The following JMJD1C variants were observed in gnomAD, a reference collection of about 807,000 sequenced individuals.
JMJD1C encodes jumonji domain-containing protein 1C.
Under a neutral mutation model 245.3 loss-of-function variants are expected in JMJD1C, and 31 were observed. That is an observed-to-expected ratio of 0.13 (90% CI 0.09 to 0.17). The LOEUF (loss-of-function observed/expected upper bound fraction) is 0.17. Ranked by LOEUF, JMJD1C falls within the 10% of genes least tolerant of loss-of-function variation. The pLI, the probability that JMJD1C is intolerant of heterozygous loss-of-function variation, is 1.00. For synonymous variants in JMJD1C, 1,057 were observed against 1,017.4 expected (o/e 1.04, Z -0.74); for missense variants, 2,691 against 3,000.2 (o/e 0.90, Z 2.41).
At chr10:63,264,486 A>C (rs2133780332) in intron 3 of JMJD1C, among the ~76,000 whole-genome samples, 165 bp downstream of exon 3, 1 of 152,292 alleles carries the variant, frequency 6.6e-6, no homozygotes, top group South Asian at 2.1e-4. Flanking sequence ...TGAATTAATA[A>C]ATCGTTTATC....
intron 3 of JMJD1C, among the ~76,000 whole-genome samples, chr10:63,231,789 G>A (rs1037326972): frequency 8.6e-5 from 13 of 152,034 alleles, no homozygotes; most frequent in African/African-American, 2.4e-4. Context: ...GCGAGACTCC[G>A]TCTAAAAAAA....
At chr10:63,265,705 T>G (rs1468279685) in intron 2 of JMJD1C, among the ~76,000 whole-genome samples, 1 of 152,150 alleles carries the variant, frequency 6.6e-6, no homozygotes, top group East Asian at 1.9e-4. Flanking sequence ...ATTTTTTAAC[T>G]GGAAAAAAGT....
intron 3 of JMJD1C, among the ~76,000 whole-genome samples, chr10:63,225,987 C>A (rs1184372071): frequency 2.3e-4 from 5 of 21,430 alleles, no homozygotes; most frequent in Admixed American, 2.0e-3. Flanking sequence ...TCTCCCCCAC[C>A]CCCCCCTTCC....
chr10:63,374,338 G>A (rs1295094313), intron 2 of JMJD1C, among the ~76,000 whole-genome samples: 1 of 152,188 alleles, frequency 6.6e-6, no homozygotes, highest in Non-Finnish European at 1.5e-5. Context: ...AGCAGAGAAA[G>A]AGTAACATTC....
chr10:63,211,077 C>T (rs1564614898), intron 8 of JMJD1C, among the ~76,000 whole-genome samples: 1 of 152,116 alleles, frequency 6.6e-6, no homozygotes, highest in Non-Finnish European at 1.5e-5. Context: ...TCCATGTTTG[C>T]AACAGGAATA....
At chr10:63,317,651 T>C (rs551011222) in intron 2 of JMJD1C, among the ~76,000 whole-genome samples, 7 of 152,284 alleles carry the variant, frequency 4.6e-5, no homozygotes, top group African/African-American at 1.4e-4. Context: ...TTTAATCAAA[T>C]ATTTTCACTG....
chr10:63,332,867 GATCT>G (rs1320197682), intron 2 of JMJD1C, among the ~76,000 whole-genome samples: 1 of 152,104 alleles, frequency 6.6e-6, no homozygotes, highest in African/African-American at 2.4e-5. Context: ...TAGGAATACT[GATCT>G]ATCACGTGAA....
intron 10 of JMJD1C, chr10:63,203,584 T>C: frequency 1.0e-6 from 1 of 956,540 alleles, no homozygotes; most frequent in Non-Finnish European, 1.2e-6. Flanking sequence ...TTTCAGATCA[T>C]AAAATTAAAT....
chr10:63,328,995 A>C (rs1941835865), intron 2 of JMJD1C, among the ~76,000 whole-genome samples: 1 of 152,178 alleles, frequency 6.6e-6, no homozygotes, highest in Non-Finnish European at 1.5e-5. Flanking sequence ...TAACAGTAAA[A>C]AACTGGCCAG....
At chr10:63,202,483 C>A (rs576691187) in intron 10 of JMJD1C, 2 of 985,248 alleles carry the variant, frequency 2.0e-6, no homozygotes, top group Non-Finnish European at 2.4e-6. Context: ...CCTGAGACTA[C>A]GTACTTCTTG....
intron 2 of JMJD1C, among the ~76,000 whole-genome samples, chr10:63,351,964 T>C (rs1944401682): frequency 6.6e-6 from 1 of 152,174 alleles, no homozygotes; most frequent in African/African-American, 2.4e-5. Flanking sequence ...AAATCCTCTC[T>C]AGAGAAACCT....
At chr10:63,412,446 G>T (rs186908852) in intron 1 of JMJD1C, among the ~76,000 whole-genome samples, 1 of 152,134 alleles carries the variant, frequency 6.6e-6, no homozygotes, top group Non-Finnish European at 1.5e-5. Context: ...ATTTCTTATT[G>T]CAATATGGTA....
chr10:63,177,219 TA>T (rs1435941065), intron 23 of JMJD1C: 2 of 155,130 alleles, frequency 1.3e-5, no homozygotes, highest in African/African-American at 4.8e-5. Context: ...TCTTTCAGAG[TA>T]TATGCCAACT....
At chr10:63,463,871 A>G (rs1410613438) in intron 1 of JMJD1C, among the ~76,000 whole-genome samples, 1 of 152,190 alleles carries the variant, frequency 6.6e-6, no homozygotes, top group Non-Finnish European at 1.5e-5. Flanking sequence ...CCATCCATAG[A>G]TAATTTATTT....
chr10:63,326,213 G>T (rs1437761252), intron 2 of JMJD1C, among the ~76,000 whole-genome samples: 1 of 151,954 alleles, frequency 6.6e-6, no homozygotes, highest in Non-Finnish European at 1.5e-5. Flanking sequence ...ATGATAAAAT[G>T]GCCAGACGCG....
At position 63,465,840 on chromosome 10, in the gene JMJD1C, C is replaced by A; in HGVS notation, c.-178G>T. The A allele has an allele frequency of 1.4e-6, 1 of 726,780 alleles. No individual in the cohort carries two copies. Among genetic ancestry groups the A allele is most frequent in the Non-Finnish European group, 2.4e-6 (1 of 408,714 alleles). 45.0% of individuals were successfully genotyped at this position (726,780 alleles called of 1,614,324 possible). A position where few individuals can be genotyped will look rare whatever the true frequency, so the allele number is the denominator to read the frequency against. On this transcript the variant is annotated 5_prime_UTR_variant, in exon 1 of 26. Transcript: ENST00000399262. ...CCGGACACAGCGACCTCGGGCCCTCCCCGCAAACACTCCTTTGGACTCCCA... is the reference window on the plus strand; with the variant it reads ...CCGGACACAGCGACCTCGGGCCCTCACCGCAAACACTCCTTTGGACTCCCA...
At chr10:63,184,501 C>A (rs1323127806) in intron 21 of JMJD1C, 107 bp downstream of exon 21, 6 of 967,110 alleles carry the variant, frequency 6.2e-6, no homozygotes, top group Non-Finnish European at 9.1e-6. Flanking sequence ...CTTAGCCTCC[C>A]AAAGAGTGCT....
chr10:63,190,998 C>T lies in JMJD1C; in HGVS notation c.6187G>A (p.Gly2063Ser), dbSNP rs201896088. 1.1e-5 allele frequency: 18 copies of T among 1,614,182 alleles called. No individual in the cohort carries two copies. Among genetic ancestry groups the T allele is most frequent in the Non-Finnish European group, 1.4e-5 (17 of 1,180,012 alleles). Residue 2063 changes from glycine (G) to serine (S), a missense_variant, in exon 17 of 26, where the codon GGC (glycine) becomes AGC (serine). Physicochemically the swap from Gly to Ser is moderately conservative, Grantham distance 56. This residue lies in a region of JMJD1C where 275 missense variants were observed against 285.5 expected (regional missense o/e 0.96). Transcript: ENST00000399262. ...GTCAGCAAATCCCGTAAGGTTGAGC[C>T]TTGTTCATTATTCTGGGACACAAGA... ...SPLVSQNNEQ[G>S]STLRDLLTTT...
chr10:63,296,025 T>TTTTC (rs1859393676), intron 2 of JMJD1C, among the ~76,000 whole-genome samples: 1 of 129,836 alleles, frequency 7.7e-6, no homozygotes, highest in African/African-American at 2.9e-5. Context: ...TTTTTTTTTT[T>TTTTC]TCTTAGATGG....
Sources: allele counts gnomAD v4.1 joint callset (sites outside exome capture counted in the v4.1 genomes callset), GRCh38; gene constraint gnomAD v4.1.1; regional missense constraint gnomAD v4.1.1; transcripts MANE v1.5; gene names NCBI Gene and HGNC (gene_info 2026-07-23, HGNC 2026-07-21).